The following GLMN variants were observed in gnomAD, a reference collection of about 807,000 sequenced individuals.
GLMN encodes the protein glomulin.
A neutral mutation model predicts 87.8 loss-of-function variants in GLMN; 75 were observed. The ratio of observed to expected loss-of-function variants is 0.85; its 90% CI spans 0.71 to 1.04. The LOEUF (loss-of-function observed/expected upper bound fraction) is 1.04. Among genes scored for constraint, GLMN ranks in the 50% least tolerant of loss-of-function variants. The pLI is 0.00. For synonymous variants in GLMN, 206 were observed against 221.6 expected (o/e 0.93, Z 0.63); for missense variants, 588 against 658.8 (o/e 0.89, Z 1.18).
chr1:92,311,759 G>A, the GLMN span, among the ~76,000 whole-genome samples: 25 of 152,212 alleles, frequency 1.6e-4, no homozygotes, highest in African/African-American at 6.0e-4. Flanking sequence ...TTGTTTCCCA[G>A]TGTATGCAAA....
At chr1:92,297,383 A>G (rs367732317) in intron 3 of GLMN, 21 bp downstream of exon 3, 112 of 1,609,838 alleles carry the variant, frequency 7.0e-5, no homozygotes, top group Non-Finnish European at 8.8e-5. Flanking sequence ...ACTGAAAAGT[A>G]AACACCAAGA....
the GLMN span, among the ~76,000 whole-genome samples, chr1:92,330,290 G>A: frequency 6.6e-6 from 1 of 152,132 alleles, no homozygotes; most frequent in Non-Finnish European, 1.5e-5. Flanking sequence ...TCGTTATCAG[G>A]TTTTGGTTGT....
the GLMN span, among the ~76,000 whole-genome samples, chr1:92,338,667 T>TA: frequency 2.2e-5 from 3 of 139,148 alleles, no homozygotes; most frequent in Non-Finnish European, 4.8e-5. Context: ...TTTTTTTTTT[T>TA]AAAGACAGGG....
chr1:92,320,551 T>C, the GLMN span: 1 of 1,565,932 alleles, frequency 6.4e-7, no homozygotes, highest in Non-Finnish European at 8.8e-7. Flanking sequence ...GTTACAGGCA[T>C]GAGCCACCGC....
chr1:92,328,833 G>A, the GLMN span, among the ~76,000 whole-genome samples: 45 of 152,204 alleles, frequency 3.0e-4, no homozygotes, highest in African/African-American at 1.0e-3. Flanking sequence ...GTCCCACAGG[G>A]TGCTCCCTTG....
chr1:92,324,266 A>G, the GLMN span: 3 of 1,614,076 alleles, frequency 1.9e-6, no homozygotes, highest in Non-Finnish European at 1.7e-6. Flanking sequence ...CTGCCAAGTT[A>G]CGAGAATTTG....
chr1:92,323,226 T>G, the GLMN span, among the ~76,000 whole-genome samples: 8 of 151,470 alleles, frequency 5.3e-5, no homozygotes, highest in Non-Finnish European at 1.5e-5. Context: ...GAAGGAGAAC[T>G]ATATCAAAAA....
intron 16 of GLMN, among the ~76,000 whole-genome samples, chr1:92,255,846 AAAAG>A (rs1654158869): frequency 6.6e-6 from 1 of 152,206 alleles, no homozygotes; most frequent in South Asian, 2.1e-4. Context: ...CATCACAATT[AAAAG>A]AAATAGAGAG....
chr1:92,252,406 A>C (rs777760561), intron 16 of GLMN, among the ~76,000 whole-genome samples: 6 of 152,160 alleles, frequency 3.9e-5, no homozygotes, highest in Non-Finnish European at 5.9e-5. Context: ...AAGGAAAAAA[A>C]AATTAATATA....
At chr1:92,278,158 A>C (rs1408139594) in intron 7 of GLMN, among the ~76,000 whole-genome samples, 1 of 151,936 alleles carries the variant, frequency 6.6e-6, no homozygotes, top group East Asian at 1.9e-4. Context: ...ACTTGTTATG[A>C]CTATAGTAGG....
chr1:92,259,516 A>G (rs1273477184), intron 16 of GLMN, among the ~76,000 whole-genome samples: 1 of 152,090 alleles, frequency 6.6e-6, no homozygotes, highest in African/African-American at 2.4e-5. Flanking sequence ...TTATTACTCA[A>G]TTATGAATCA....
chr1:92,350,380 A>G, the GLMN span, among the ~76,000 whole-genome samples: 5 of 152,160 alleles, frequency 3.3e-5, no homozygotes, highest in African/African-American at 1.2e-4. Flanking sequence ...CTTTTTTTAG[A>G]AGAACTCATT....
the GLMN span, chr1:92,323,658 CATAATGAAAAAGA>C: frequency 1.2e-6 from 2 of 1,613,452 alleles, no homozygotes; most frequent in Admixed American, 3.3e-5. Flanking sequence ...ACCAAAAAAG[CATAATGAAAAAGA>C]AAGCTGGTCA....
At chr1:92,276,720 TA>T (rs1435191730) in intron 7 of GLMN, among the ~76,000 whole-genome samples, 1 of 152,170 alleles carries the variant, frequency 6.6e-6, no homozygotes, top group East Asian at 1.9e-4. Flanking sequence ...GCCTGGTGGT[TA>T]TTTGTTTTTT....
At chr1:92,338,579 A>C in the GLMN span, among the ~76,000 whole-genome samples, 1 of 152,132 alleles carries the variant, frequency 6.6e-6, no homozygotes, top group African/African-American at 2.4e-5. Flanking sequence ...CAGGGAGTGA[A>C]TATCATCATA....
the GLMN span, among the ~76,000 whole-genome samples, chr1:92,353,165 T>G: frequency 1.3e-5 from 2 of 152,206 alleles, no homozygotes; most frequent in Non-Finnish European, 2.9e-5. Context: ...ATGTACAGAT[T>G]TTTTTGTGTG....
intron 2 of GLMN, 192 bp downstream of exon 2, chr1:92,297,769 A>C: frequency 1.6e-6 from 1 of 627,624 alleles, no homozygotes. Context: ...TAAAATGTAA[A>C]AGGTTATTTA....
chr1:92,324,016 TTAC>T, the GLMN span: 1 of 1,613,912 alleles, frequency 6.2e-7, no homozygotes, highest in Non-Finnish European at 8.5e-7. Flanking sequence ...AAAGAGAAAC[TTAC>T]TTAAAGTTTT....
chr1:92,269,192 G>A (rs141494944), intron 9 of GLMN, among the ~76,000 whole-genome samples: 63 of 149,714 alleles, frequency 4.2e-4, no homozygotes, highest in Middle Eastern at 3.5e-3. Context: ...GTGAGCCACC[G>A]TGCCTGGCTT....
Sources: gnomAD v4.1 joint callset for allele counts (sites outside exome capture counted in the v4.1 genomes callset) on GRCh38, gnomAD v4.1.1 for gene constraint, MANE v1.5 for transcripts, NCBI Gene and HGNC (gene_info 2026-07-23, HGNC 2026-07-21) for gene names.